The following NLGN1 variants were observed in gnomAD, a reference collection of about 807,000 sequenced individuals.
NLGN1 encodes neuroligin 1, also known as neuroligin-1.
NLGN1 carries 12 observed loss-of-function variants against 65.5 expected under a neutral mutation model. That is an observed-to-expected ratio of 0.18 (90% CI 0.12 to 0.30). NLGN1 has a LOEUF of 0.30. NLGN1 is among the 10% of genes least tolerant of loss of function. The probability of loss-of-function intolerance (pLI) is 1.00; values close to 1 mark genes in which losing one functional copy is unlikely to be tolerated. For synonymous variants in NLGN1, 350 were observed against 359.5 expected, an observed-to-expected ratio of 0.97 and a Z score of 0.30; for missense variants, 750 against 1,007.1, an observed-to-expected ratio of 0.74 and a Z score of 3.46.
In NLGN1 at chr3:174,134,113, AC is replaced by A. The variant is rs574407529; in HGVS notation, c.647-141199del. On this transcript the variant is annotated intron_variant, in intron 4 of 6. Coordinates refer to ENST00000457714, the Ensembl canonical transcript of NLGN1. Reference sequence around the variant, plus strand: ...AAAAAGACAAATTATATTTTATTGTACCCACAAAACGAAAAGAAACAGTTGC... The same window carrying A: ...AAAAAGACAAATTATATTTTATTGTACCACAAAACGAAAAGAAACAGTTGC... Among the ~76,000 whole-genome samples, 590 of 152,334 alleles carry A rather than the reference AC, an allele frequency of 3.9e-3. 13 individuals carry two copies. The highest frequency in any genetic ancestry group is 0.036 in the Admixed American group (554 of 15,292).
chr3:174,070,679 AT>A, intron 4 of NLGN1, among the ~76,000 whole-genome samples: 1 of 152,302 alleles, frequency 6.6e-6, no homozygotes, highest in South Asian at 2.1e-4. Flanking sequence ...ATATTAGAAC[AT>A]TATAAAACTA....
At chr3:173,967,794 G>A (rs1715211120) in intron 4 of NLGN1, among the ~76,000 whole-genome samples, 3 of 152,104 alleles carry the variant, frequency 2.0e-5, no homozygotes, top group Admixed American at 6.6e-5. Flanking sequence ...GAGATCCAAT[G>A]AATACATATT....
chr3:173,912,457 A>G (rs1739811784), intron 4 of NLGN1: 1 of 152,096 alleles, frequency 6.6e-6, no homozygotes, highest in African/African-American at 2.4e-5. Context: ...CATTTGTAAA[A>G]CAGACTTCAG....
At chr3:173,564,950 G>A (rs1442382750) in intron 2 of NLGN1, among the ~76,000 whole-genome samples, 1 of 152,124 alleles carries the variant, frequency 6.6e-6, no homozygotes, top group Admixed American at 6.6e-5. Flanking sequence ...TGAGAATATA[G>A]TGATAAGCAA....
chr3:173,785,604 A>G (rs1781824382), intron 3 of NLGN1, among the ~76,000 whole-genome samples: 1 of 152,130 alleles, frequency 6.6e-6, no homozygotes, highest in African/African-American at 2.4e-5. Context: ...GAGATTATTT[A>G]TTGACTAAAT....
intron 4 of NLGN1, among the ~76,000 whole-genome samples, chr3:173,951,792 T>C (rs1445615830): frequency 1.3e-5 from 2 of 152,156 alleles, no homozygotes; most frequent in Non-Finnish European, 2.9e-5. Flanking sequence ...CTCTGTATCC[T>C]ATATAATACG....
intron 3 of NLGN1, among the ~76,000 whole-genome samples, chr3:173,683,253 A>G (rs981867654): frequency 6.6e-6 from 1 of 152,164 alleles, no homozygotes; most frequent in Admixed American, 6.6e-5. Flanking sequence ...GGAAGAAACT[A>G]TCATTCCTAC....
intron 4 of NLGN1, among the ~76,000 whole-genome samples, chr3:173,971,759 A>G (rs780154346): frequency 3.3e-5 from 5 of 152,106 alleles, no homozygotes; most frequent in Admixed American, 6.6e-5. Context: ...CCAAAAAGCC[A>G]ATACTTGTGT....
chr3:173,672,230 C>T (rs919421141), intron 3 of NLGN1, among the ~76,000 whole-genome samples: 3 of 152,130 alleles, frequency 2.0e-5, no homozygotes, highest in Non-Finnish European at 2.9e-5. Context: ...TACCTGTAGT[C>T]GTGAAGCTAT....
chr3:173,472,678 T>G (rs1407755876), intron 2 of NLGN1, among the ~76,000 whole-genome samples: 1 of 152,042 alleles, frequency 6.6e-6, no homozygotes, highest in Non-Finnish European at 1.5e-5. Context: ...TTTTTATTAC[T>G]AACAAAGGAA....
chr3:174,042,924 A>T (rs574186605), intron 4 of NLGN1, among the ~76,000 whole-genome samples: 1 of 152,266 alleles, frequency 6.6e-6, no homozygotes, highest in African/African-American at 2.4e-5. Flanking sequence ...AATACCTAAG[A>T]CTGGGTAATT....
intron 4 of NLGN1, among the ~76,000 whole-genome samples, chr3:174,125,880 A>C (rs1361099147): frequency 6.6e-6 from 1 of 152,130 alleles, no homozygotes. Flanking sequence ...AGAAACTACT[A>C]TGCGGTTAAG....
At chr3:173,559,785 A>G (rs1279480934) in intron 2 of NLGN1, among the ~76,000 whole-genome samples, 1 of 152,162 alleles carries the variant, frequency 6.6e-6, no homozygotes, top group Non-Finnish European at 1.5e-5. Context: ...GGTTTTTGAT[A>G]TTTTTATGGC....
At chr3:174,037,536 A>T (rs1381371059) in intron 4 of NLGN1, among the ~76,000 whole-genome samples, 2 of 152,182 alleles carry the variant, frequency 1.3e-5, no homozygotes, top group Non-Finnish European at 2.9e-5. Context: ...ATGGTTAAGA[A>T]CGTAAGCTCT....
At chr3:173,548,578 AG>A (rs1433399582) in intron 2 of NLGN1, among the ~76,000 whole-genome samples, 2 of 151,878 alleles carry the variant, frequency 1.3e-5, no homozygotes, top group African/African-American at 4.8e-5. Flanking sequence ...ATGAGTTTTA[AG>A]ACAACTTTCT....
intron 3 of NLGN1, among the ~76,000 whole-genome samples, chr3:173,669,165 A>G (rs967994872): frequency 6.6e-6 from 1 of 152,204 alleles, no homozygotes; most frequent in Non-Finnish European, 1.5e-5. Flanking sequence ...TGTGGTGACA[A>G]TAGGTAGAAT....
intron 3 of NLGN1, among the ~76,000 whole-genome samples, chr3:173,666,729 C>T (rs898094535): frequency 6.6e-6 from 1 of 152,086 alleles, no homozygotes; most frequent in Non-Finnish European, 1.5e-5. Flanking sequence ...TTTAAAAGTT[C>T]ATTTGCATGA....
chr3:174,089,277 T>C (rs889308378), intron 4 of NLGN1, among the ~76,000 whole-genome samples: 6 of 152,172 alleles, frequency 3.9e-5, no homozygotes, highest in Non-Finnish European at 8.8e-5. Flanking sequence ...CTGTCTTGGG[T>C]ACTATCTGCT....
chr3:173,434,845 C>G (rs1379426830), intron 1 of NLGN1, among the ~76,000 whole-genome samples: 1 of 152,176 alleles, frequency 6.6e-6, no homozygotes, highest in Non-Finnish European at 1.5e-5. Flanking sequence ...TTGGAAACTC[C>G]TAAGTGTAGC....
Sources: gnomAD v4.1 joint callset for allele counts (sites outside exome capture counted in the v4.1 genomes callset) on GRCh38, gnomAD v4.1.1 for gene constraint, MANE v1.5 for transcripts, NCBI Gene and HGNC (gene_info 2026-07-23, HGNC 2026-07-21) for gene names.